The following SASH1 variants were observed in gnomAD, a reference collection of about 807,000 sequenced individuals.
The protein encoded by SASH1 is SAM and SH3 domain-containing protein 1.
Under a neutral mutation model 125.2 loss-of-function variants are expected in SASH1, and 44 were observed. That is an observed-to-expected ratio of 0.35 (90% CI 0.28 to 0.45). SASH1 has a LOEUF of 0.45. Among genes scored for constraint, SASH1 ranks in the 20% least tolerant of loss-of-function variants. The pLI, the probability that SASH1 is intolerant of heterozygous loss-of-function variation, is 1.00. For synonymous variants in SASH1, 639 were observed against 649.1 expected, an observed-to-expected ratio of 0.98 and a Z score of 0.24; for missense variants, 1,426 against 1,614.5, an observed-to-expected ratio of 0.88 and a Z score of 2.00.
chr6:148,278,261 T>A (rs1268017832), intron 1 of SASH1, among the ~76,000 whole-genome samples: 3 of 152,116 alleles, frequency 2.0e-5, no homozygotes, highest in Non-Finnish European at 4.4e-5. Flanking sequence ...GGTCTCAAAC[T>A]CCTGACCTCA....
At chr6:148,355,732 T>TA (rs1288907321) in intron 1 of SASH1, among the ~76,000 whole-genome samples, 1 of 152,138 alleles carries the variant, frequency 6.6e-6, no homozygotes, top group Non-Finnish European at 1.5e-5. Context: ...GAGAGAAGCT[T>TA]ACCAGGTCAC....
intron 4 of SASH1, among the ~76,000 whole-genome samples, chr6:148,455,594 G>T (rs1777304341): frequency 6.6e-6 from 1 of 152,202 alleles, no homozygotes; most frequent in Non-Finnish European, 1.5e-5. Context: ...GAGGGCGCAT[G>T]GAAGTGACAG....
intron 1 of SASH1, among the ~76,000 whole-genome samples, chr6:148,291,793 G>A (rs1183198808): frequency 6.6e-6 from 1 of 151,978 alleles, no homozygotes; most frequent in Non-Finnish European, 1.5e-5. Flanking sequence ...ATAAGAATAA[G>A]AAAGCCATAA....
At chr6:148,286,149 A>G (rs913067345) in intron 1 of SASH1, among the ~76,000 whole-genome samples, 1 of 152,126 alleles carries the variant, frequency 6.6e-6, no homozygotes, top group African/African-American at 2.4e-5. Flanking sequence ...TGGACCCTCC[A>G]TTAAGAGTCC....
chr6:148,321,650 C>T (rs1310823039), intron 1 of SASH1, among the ~76,000 whole-genome samples: 2 of 152,154 alleles, frequency 1.3e-5, no homozygotes, highest in African/African-American at 4.8e-5. Flanking sequence ...CTAGACTAAG[C>T]TCATCAAAAT....
the SASH1 span, among the ~76,000 whole-genome samples, chr6:148,237,943 C>T: frequency 6.6e-6 from 1 of 152,270 alleles, no homozygotes; most frequent in Non-Finnish European, 1.5e-5. Flanking sequence ...ATAACACAAT[C>T]CCAGTGGACA....
intron 2 of SASH1, among the ~76,000 whole-genome samples, chr6:148,417,898 A>G (rs2114931511): frequency 2.0e-5 from 3 of 152,342 alleles, no homozygotes; most frequent in Non-Finnish European, 4.4e-5. Flanking sequence ...CACGTTGATG[A>G]TAACTTTGAT....
chr6:148,286,338 T>C (rs1582917264), intron 1 of SASH1, among the ~76,000 whole-genome samples: 1 of 151,658 alleles, frequency 6.6e-6, no homozygotes. Flanking sequence ...GAGGCGGAGG[T>C]TGCTGTGAGC....
chr6:148,403,052 TAGTA>T (rs1784238958), intron 2 of SASH1, among the ~76,000 whole-genome samples: 1 of 152,140 alleles, frequency 6.6e-6, no homozygotes. Context: ...GTTGAACAGC[TAGTA>T]AGTATCAGAG....
chr6:148,542,851 A>AGTGTGTGTGT lies in SASH1; in HGVS notation c.2210-809_2210-800dup, dbSNP rs56094441. ...ATCAACCAAAAATGTAACAAGGGAC[A>AGTGTGTGTGT]GTGTGTGTGTGTGTGTGTGTGTGTG... On this transcript the variant is annotated intron_variant, in intron 17 of 19. Coordinates refer to ENST00000367467, the MANE Select transcript of SASH1 (RefSeq NM_015278.5). Among the ~76,000 whole-genome samples, 12 of 149,374 alleles carry AGTGTGTGTGT rather than the reference A, an allele frequency of 8.0e-5. 1 individual carries two copies. The highest frequency in any genetic ancestry group is 2.2e-4 in the African/African-American group (9 of 40,642).
At chr6:148,351,650 CTTTTTT>C (rs67177596) in intron 1 of SASH1, among the ~76,000 whole-genome samples, 1 of 116,036 alleles carries the variant, frequency 8.6e-6, no homozygotes, top group African/African-American at 3.3e-5. Context: ...TTACTCACCG[CTTTTTT>C]TTTTTTTTTT....
intron 2 of SASH1, among the ~76,000 whole-genome samples, chr6:148,426,501 G>A (rs897951453): frequency 2.6e-5 from 4 of 152,132 alleles, no homozygotes; most frequent in East Asian, 1.9e-4. Context: ...CATTGTCCCC[G>A]GGAAATGTGG....
intron 2 of SASH1, among the ~76,000 whole-genome samples, chr6:148,422,918 G>A (rs868690039): frequency 3.3e-5 from 5 of 151,912 alleles, no homozygotes; most frequent in Non-Finnish European, 7.4e-5. Context: ...ATATCTATCC[G>A]TGTGTGGTTT....
At chr6:148,265,648 G>C in the SASH1 span, among the ~76,000 whole-genome samples, 9 of 152,080 alleles carry the variant, frequency 5.9e-5, no homozygotes, top group Non-Finnish European at 4.4e-5. Context: ...GTTCCAACTT[G>C]GCCTGATTCA....
the SASH1 span, among the ~76,000 whole-genome samples, chr6:148,229,697 A>T: frequency 6.6e-6 from 1 of 151,044 alleles, no homozygotes; most frequent in South Asian, 2.1e-4. Flanking sequence ...TGCGACCAAC[A>T]CCATAATATA....
At chr6:148,214,340 A>G in the SASH1 span, among the ~76,000 whole-genome samples, 1 of 152,214 alleles carries the variant, frequency 6.6e-6, no homozygotes, top group Non-Finnish European at 1.5e-5. Context: ...GAAATGATAC[A>G]TGCAGTTGAG....
intron 1 of SASH1, among the ~76,000 whole-genome samples, chr6:148,289,851 T>A (rs930091579): frequency 2.0e-5 from 3 of 150,184 alleles, no homozygotes; most frequent in African/African-American, 7.3e-5. Context: ...AAATGGTTTT[T>A]TTTGGTTGTG....
intron 1 of SASH1, among the ~76,000 whole-genome samples, chr6:148,345,401 A>G (rs563694929): frequency 1.2e-3 from 178 of 152,322 alleles, no homozygotes; most frequent in African/African-American, 4.0e-3. Context: ...CAAAGAAAAT[A>G]TGTACTTCAG....
At chr6:148,494,883 C>T (rs908030222) in intron 8 of SASH1, among the ~76,000 whole-genome samples, 1 of 152,222 alleles carries the variant, frequency 6.6e-6, no homozygotes, top group Non-Finnish European at 1.5e-5. Flanking sequence ...AAGGTCTCAA[C>T]TAAAATATCC....
Sources: allele counts gnomAD v4.1 joint callset (sites outside exome capture counted in the v4.1 genomes callset), GRCh38; gene constraint gnomAD v4.1.1; transcripts MANE v1.5; gene names NCBI Gene and HGNC (gene_info 2026-07-23, HGNC 2026-07-21).